GTF2E1: variants seen among roughly 807,000 people sequenced by gnomAD.
The protein encoded by GTF2E1 is general transcription factor IIE subunit 1, also known as TFIIE alpha subunit.
In GTF2E1, 14 loss-of-function variants were observed where a neutral mutation model predicts 34.9. The observed-to-expected ratio is 0.40, with a 90% CI of 0.27 to 0.63. The LOEUF is 0.63. GTF2E1 is among the 20% of genes least tolerant of loss of function. The pLI, the probability that GTF2E1 is intolerant of heterozygous loss-of-function variation, is 0.39. For missense variants in GTF2E1, 469 were observed against 557.7 expected (o/e 0.84, Z 1.60); for synonymous variants, 188 against 192.9 (o/e 0.97, Z 0.21).
At chr3:120,771,397 A>G (rs1043641376) in intron 3 of GTF2E1, among the ~76,000 whole-genome samples, 15 of 152,126 alleles carry the variant, frequency 9.9e-5, no homozygotes, top group Admixed American at 4.6e-4. Flanking sequence ...GGTGTTACCT[A>G]TGGGTTAATA....
At chr3:120,766,585 A>G (rs1205652791) in intron 2 of GTF2E1, among the ~76,000 whole-genome samples, 1 of 151,328 alleles carries the variant, frequency 6.6e-6, no homozygotes, top group African/African-American at 2.4e-5. Context: ...TTACCCCTTC[A>G]TCTTCTCCTT....
chr3:120,749,202 GA>G (rs1336322171), intron 1 of GTF2E1, among the ~76,000 whole-genome samples: 1 of 151,960 alleles, frequency 6.6e-6, no homozygotes, highest in South Asian at 2.1e-4. Flanking sequence ...TCTGCAAACA[GA>G]GACAATTTGA....
At position 120,776,446 on chromosome 3, in the gene GTF2E1, C is replaced by T. The variant is rs1709400631; in HGVS notation, c.674C>T (p.Ala225Val). 1 of 1,613,364 alleles carries T rather than the reference C, an allele frequency of 6.2e-7. No individual in the cohort carries two copies. The highest frequency in any genetic ancestry group is 1.7e-4 in the Middle Eastern group (1 of 6,052). The change falls in exon 4 of 5, where the codon GCT becomes GTT. Residue 225 changes from alanine to valine, a missense_variant. Ala to Val is a moderately conservative substitution (Grantham distance 64). Coordinates refer to ENST00000283875, the MANE Select transcript of GTF2E1 (RefSeq NM_005513.3). ...KQSKDHAATTAGAASLAGGHH... is the reference protein window; with the variant it reads ...KQSKDHAATTVGAASLAGGHH... ...AGCAAGGACCATGCAGCAACTACTG[C>T]TGGAGCTGCTAGCCTAGCAGGTGGG... is the stretch of plus-strand genomic sequence containing the variant.
intron 1 of GTF2E1, chr3:120,749,940 C>A (rs1408134397): frequency 6.6e-6 from 1 of 152,166 alleles, no homozygotes; most frequent in African/African-American, 2.4e-5. Flanking sequence ...TTATCAGATT[C>A]AATTTTTCAA....
At chr3:120,743,911 T>C (rs1001780927) in intron 1 of GTF2E1, among the ~76,000 whole-genome samples, 1 of 152,142 alleles carries the variant, frequency 6.6e-6, no homozygotes, top group East Asian at 1.9e-4. Flanking sequence ...AATGTTGATA[T>C]GATTAAAATA....
chr3:120,761,957 A>AT (rs1355679379), intron 2 of GTF2E1, among the ~76,000 whole-genome samples: 1 of 151,770 alleles, frequency 6.6e-6, no homozygotes, highest in Non-Finnish European at 1.5e-5. Flanking sequence ...CGCCCGGCTA[A>AT]TTTTTTGTAT....
At position 120,781,073 on chromosome 3, in the gene GTF2E1, G is replaced by A. The variant is rs200375471; in HGVS notation, c.923G>A (p.Arg308His). The A allele has an allele frequency of 4.1e-5, 66 of 1,613,548 alleles. No homozygotes were observed. The highest frequency in any genetic ancestry group is 5.3e-5 in the Non-Finnish European group (63 of 1,179,704). Residue 308 changes from arginine to histidine, a missense_variant, in exon 5 of 5, where the codon CGT becomes CAT. Coordinates refer to ENST00000283875, the MANE Select transcript of GTF2E1 (RefSeq NM_005513.3). The stretch of plus-strand genomic sequence containing the variant: ...ATAGATATGGACGCATTTCAGGAGC[G>A]TGAGGAAGGCCATGCTGGGCCTGAT... ...GGIDMDAFQE[R>H]EEGHAGPDDN... is the part of the protein sequence containing the mutation.
chr3:120,751,038 T>C (rs755842968), intron 2 of GTF2E1, 38 bp downstream of exon 2: 1 of 1,300,058 alleles, frequency 7.7e-7, no homozygotes, highest in Non-Finnish European at 1.1e-6. Context: ...TAAAATAAAG[T>C]GTGTATTACC....
At chr3:120,750,173 C>T (rs1413934511) in intron 1 of GTF2E1, among the ~76,000 whole-genome samples, 2 of 152,200 alleles carry the variant, frequency 1.3e-5, no homozygotes, top group African/African-American at 4.8e-5. Flanking sequence ...TGCTAGTTTT[C>T]TCAGGGTTTC....
Position 120,750,789 on chromosome 3 carries a change from G to C in GTF2E1, c.237G>C (p.Glu79Asp). 4 of 1,613,908 alleles carry C rather than the reference G, an allele frequency of 2.5e-6. No individual in the cohort carries two copies. The highest frequency in any genetic ancestry group is 3.4e-6 in the Non-Finnish European group (4 of 1,179,842). ...DKFIKCRMRV[E>D]TAADGKTTRH... is the part of the protein sequence containing the mutation. ...TTATCAAATGCAGAATGAGGGTAGA[G>C]ACTGCTGCAGACGGGAAAACCACTC... Residue 79 changes from glutamate to aspartate, a missense_variant, in exon 2 of 5, where the codon GAG becomes GAC. By Grantham distance (45) the Glu-to-Asp change is conservative. Coordinates refer to ENST00000283875, the MANE Select transcript of GTF2E1 (RefSeq NM_005513.3).
chr3:120,772,256 A>G (rs1387561040), intron 3 of GTF2E1, among the ~76,000 whole-genome samples: 1 of 152,160 alleles, frequency 6.6e-6, no homozygotes, highest in Non-Finnish European at 1.5e-5. Flanking sequence ...TTTTATATGC[A>G]TATTTCTAAA....
intron 2 of GTF2E1, among the ~76,000 whole-genome samples, chr3:120,755,476 T>A (rs998658473): frequency 6.6e-6 from 1 of 152,160 alleles, no homozygotes; most frequent in Non-Finnish European, 1.5e-5. Context: ...TCTTTAAAAA[T>A]TTTTTTAATT....
intron 2 of GTF2E1, among the ~76,000 whole-genome samples, chr3:120,751,289 T>G (rs1709163316): frequency 6.6e-6 from 1 of 152,250 alleles, no homozygotes; most frequent in Admixed American, 6.5e-5. Flanking sequence ...GGTTGATTTC[T>G]CTACCACTTT....
intron 1 of GTF2E1, among the ~76,000 whole-genome samples, chr3:120,749,512 CAT>C (rs1709143712): frequency 6.6e-6 from 1 of 152,096 alleles, no homozygotes; most frequent in Non-Finnish European, 1.5e-5. Context: ...TTGAGATAAT[CAT>C]GTGGTTTTTG....
At chr3:120,771,939 A>G (rs1196546826) in intron 3 of GTF2E1, among the ~76,000 whole-genome samples, 1 of 152,212 alleles carries the variant, frequency 6.6e-6, no homozygotes, top group Non-Finnish European at 1.5e-5. Flanking sequence ...TTGCATGACT[A>G]GAAGTCTTGA....
At chr3:120,747,481 A>G (rs1309860112) in intron 1 of GTF2E1, among the ~76,000 whole-genome samples, 1 of 152,072 alleles carries the variant, frequency 6.6e-6, no homozygotes, top group Non-Finnish European at 1.5e-5. Context: ...CCCACCTATG[A>G]GTGAGATATA....
intron 2 of GTF2E1, among the ~76,000 whole-genome samples, chr3:120,760,726 T>A (rs1025886215): frequency 2.6e-5 from 4 of 152,192 alleles, no homozygotes; most frequent in African/African-American, 9.7e-5. Context: ...ATGGATTACA[T>A]TTATTGATTT....
At chr3:120,763,371 G>C (rs991724729) in intron 2 of GTF2E1, among the ~76,000 whole-genome samples, 3 of 152,098 alleles carry the variant, frequency 2.0e-5, no homozygotes, top group African/African-American at 7.2e-5. Flanking sequence ...TCACATTTAA[G>C]GAAGGACAAA....
intron 3 of GTF2E1, among the ~76,000 whole-genome samples, chr3:120,774,001 C>G (rs190858190): frequency 2.0e-5 from 3 of 152,246 alleles, no homozygotes. Context: ...ATAAGACAGT[C>G]TTTGTAGTCA....
Sources: allele counts gnomAD v4.1 joint callset (sites outside exome capture counted in the v4.1 genomes callset), GRCh38; gene constraint gnomAD v4.1.1; transcripts MANE v1.5; gene names NCBI Gene and HGNC (gene_info 2026-07-23, HGNC 2026-07-21).